Variants in PITPNC1 observed in about 807,000 individuals in gnomAD.
The protein encoded by PITPNC1 is cytoplasmic phosphatidylinositol transfer protein 1.
In PITPNC1, 18 loss-of-function variants were observed where a neutral mutation model predicts 44.7. The observed-to-expected ratio is 0.40, with a 90% CI of 0.28 to 0.60. The LOEUF (loss-of-function observed/expected upper bound fraction) is 0.60. Ranked by LOEUF, PITPNC1 falls within the 20% of genes least tolerant of loss-of-function variation. The pLI is 0.39. For synonymous variants in PITPNC1, 141 were observed against 149.6 expected (o/e 0.94, Z 0.42); for missense variants, 290 against 418.4 (o/e 0.69, Z 2.68).
At chr17:67,472,177 G>A (rs920326904) in intron 1 of PITPNC1, among the ~76,000 whole-genome samples, 18 of 151,744 alleles carry the variant, frequency 1.2e-4, no homozygotes, top group Admixed American at 3.3e-4. Context: ...TTAAGGCGTT[G>A]TCTACCAGAG....
At chr17:67,500,998 G>T (rs148229387) in intron 1 of PITPNC1, among the ~76,000 whole-genome samples, 27 of 152,112 alleles carry the variant, frequency 1.8e-4, no homozygotes, top group African/African-American at 5.5e-4. Context: ...CCAAAAGAAA[G>T]ATTCTTAACT....
chr17:67,553,656 G>C (rs1192390334), intron 4 of PITPNC1, 39 bp downstream of exon 4: 1 of 862,318 alleles, frequency 1.2e-6, no homozygotes, highest in Non-Finnish European at 1.8e-6. Flanking sequence ...TTCTGTCTAT[G>C]ATCAGTGGAG....
chr17:67,377,777 A>C lies in PITPNC1; in HGVS notation c.-378A>C. ...TTGTGCATTCGTTTTAATTTTTGGA[A>C]ATCTCTCTTTTTTCCTCCCTCGCTC... On this transcript the variant is annotated 5_prime_UTR_variant, in exon 1 of 9. Transcript: ENST00000581322. The C allele has an allele frequency of 4.9e-6, 1 of 203,368 alleles. No homozygotes were observed. Among genetic ancestry groups the C allele is most frequent in the Non-Finnish European group, 9.8e-6 (1 of 101,964 alleles). 12.6% of individuals were successfully genotyped at this position (203,368 alleles called of 1,614,324 possible). A position where few individuals can be genotyped will look rare whatever the true frequency, so the allele number is the denominator to read the frequency against.
chr17:67,584,689 C>T (rs2041287449), intron 5 of PITPNC1, among the ~76,000 whole-genome samples: 1 of 152,192 alleles, frequency 6.6e-6, no homozygotes, highest in African/African-American at 2.4e-5. Flanking sequence ...ATTAACTGCA[C>T]TCATGATGAT....
chr17:67,458,298 C>T (rs2949951), intron 1 of PITPNC1, among the ~76,000 whole-genome samples: 26,079 of 152,092 alleles, frequency 0.17, 2,467 homozygotes, highest in Non-Finnish European at 0.21. Context: ...TTTTCATCAT[C>T]TGAATCTTGT....
chr17:67,536,649 C>T (rs895996589), intron 2 of PITPNC1, among the ~76,000 whole-genome samples: 4 of 152,130 alleles, frequency 2.6e-5, no homozygotes, highest in African/African-American at 9.7e-5. Context: ...GGCCTGGGAA[C>T]ACAAAAGAGA....
intron 1 of PITPNC1, chr17:67,379,043 C>G (rs997142797): frequency 3.3e-5 from 33 of 985,630 alleles, no homozygotes; most frequent in Non-Finnish European, 3.6e-5. Context: ...AGTGGTGACT[C>G]AGATAGGATT....
intron 6 of PITPNC1, chr17:67,632,441 CAATCTCCACTT>C: frequency 3.5e-6 from 2 of 578,350 alleles, no homozygotes; most frequent in Non-Finnish European, 6.1e-6. Flanking sequence ...GGCTGTTACT[CAATCTCCACTT>C]AGTTTTCCTG....
intron 4 of PITPNC1, among the ~76,000 whole-genome samples, chr17:67,564,941 A>G (rs1341068908): frequency 6.6e-6 from 1 of 151,934 alleles, no homozygotes; most frequent in African/African-American, 2.4e-5. Context: ...CGGTGGGTAT[A>G]CTAGTTTTTC....
At chr17:67,455,406 CACTGGGTG>C (rs1682457847) in intron 1 of PITPNC1, among the ~76,000 whole-genome samples, 1 of 152,014 alleles carries the variant, frequency 6.6e-6, no homozygotes, top group African/African-American at 2.4e-5. Flanking sequence ...AAAATTTAAT[CACTGGGTG>C]ACAGGGTATC....
chr17:67,522,659 C>CTTTTTTTTGTTTTTTTTTTTTTTTTTTTT (rs2040340907), intron 1 of PITPNC1, among the ~76,000 whole-genome samples: 1 of 117,228 alleles, frequency 8.5e-6, no homozygotes, highest in African/African-American at 4.4e-5. Flanking sequence ...CCATTTTAAT[C>CTTTTTTTTGTTTTTTTTTTTTTTTTTTTT]TTTTTTTTTT....
intron 1 of PITPNC1, among the ~76,000 whole-genome samples, chr17:67,447,207 A>G (rs2039110917): frequency 6.6e-6 from 1 of 151,102 alleles, no homozygotes; most frequent in African/African-American, 2.4e-5. Context: ...CTCCTTATCT[A>G]TGACAGACAT....
chr17:67,636,187 A>G (rs1313184051), intron 6 of PITPNC1, among the ~76,000 whole-genome samples: 2 of 147,412 alleles, frequency 1.4e-5, no homozygotes, highest in Non-Finnish European at 3.0e-5. Flanking sequence ...AATTCCATCT[A>G]CTCGTGAGGC....
chr17:67,581,562 C>A (rs1254335446), intron 5 of PITPNC1, among the ~76,000 whole-genome samples: 1 of 152,160 alleles, frequency 6.6e-6, no homozygotes, highest in Non-Finnish European at 1.5e-5. Context: ...CACCCCCTGC[C>A]CCCCAGGCTC....
chr17:67,692,831 C>G lies in PITPNC1; in HGVS notation c.942C>G (p.Thr314=). The change falls in exon 9 of 9, where the codon ACC becomes ACG. Residue 314 remains threonine, a synonymous_variant. Transcript: ENST00000581322. ...TTCCAGACCCTGAGAAAAAAGCCACCCTGAATTTACCCGGCATGCACTCTT... is the reference window on the plus strand; with the variant it reads ...TTCCAGACCCTGAGAAAAAAGCCACGCTGAATTTACCCGGCATGCACTCTT... ...LTLPDPEKKA[T]LNLPGMHSSD... 1 of 1,613,800 alleles carries G rather than the reference C, an allele frequency of 6.2e-7. No individual in the cohort carries two copies. Among genetic ancestry groups the G allele is most frequent in the Non-Finnish European group, 8.5e-7 (1 of 1,179,724 alleles).
At chr17:67,629,946 TCCAA>T (rs1439242887) in intron 5 of PITPNC1, among the ~76,000 whole-genome samples, 1 of 152,138 alleles carries the variant, frequency 6.6e-6, no homozygotes, top group African/African-American at 2.4e-5. Flanking sequence ...GAGTCCAGTC[TCCAA>T]ATATTTAGAA....
chr17:67,388,780 C>G (rs1406432759), intron 1 of PITPNC1, among the ~76,000 whole-genome samples: 2 of 152,070 alleles, frequency 1.3e-5, no homozygotes, highest in African/African-American at 4.8e-5. Flanking sequence ...ACCACCACAC[C>G]TGGCTGGTCT....
chr17:67,616,366 C>T (rs2041757629), intron 5 of PITPNC1, among the ~76,000 whole-genome samples: 1 of 152,160 alleles, frequency 6.6e-6, no homozygotes, highest in Non-Finnish European at 1.5e-5. Flanking sequence ...GTCTCGAACT[C>T]CTGACCTGAG....
At chr17:67,602,306 CT>C (rs1309822269) in intron 5 of PITPNC1, among the ~76,000 whole-genome samples, 1 of 152,066 alleles carries the variant, frequency 6.6e-6, no homozygotes, top group African/African-American at 2.4e-5. Context: ...AGAAAGTGTC[CT>C]GGGAGTGAGA....
Sources: allele counts gnomAD v4.1 joint callset (sites outside exome capture counted in the v4.1 genomes callset), GRCh38; gene constraint gnomAD v4.1.1; transcripts MANE v1.5; gene names NCBI Gene and HGNC (gene_info 2026-07-23, HGNC 2026-07-21).